Variants in ANKRD30B observed in about 807,000 individuals in gnomAD.
ANKRD30B encodes the protein ankyrin repeat domain 30B.
In ANKRD30B, 144 loss-of-function variants were observed where a neutral mutation model predicts 202.2. That is an observed-to-expected ratio of 0.71 (90% CI 0.62 to 0.82). The LOEUF (loss-of-function observed/expected upper bound fraction) is 0.82. Among genes scored for constraint, ANKRD30B ranks in the 40% least tolerant of loss-of-function variants. The pLI, the probability that ANKRD30B is intolerant of heterozygous loss-of-function variation, is 0.00. For synonymous variants in ANKRD30B, 508 were observed against 561.3 expected (o/e 0.91, Z 1.34); for missense variants, 1,487 against 1,669.1 (o/e 0.89, Z 1.90).
chr18:14,864,435 A>C, the ANKRD30B span, among the ~76,000 whole-genome samples: 1 of 152,190 alleles, frequency 6.6e-6, no homozygotes, highest in Non-Finnish European at 1.5e-5. Context: ...AAAAATCAGT[A>C]ACAGGAGGAA....
the ANKRD30B span, among the ~76,000 whole-genome samples, chr18:14,869,339 G>T: frequency 6.6e-6 from 1 of 151,382 alleles, no homozygotes; most frequent in African/African-American, 2.4e-5. Context: ...GAGATAATAA[G>T]GGAGGGTTCC....
At chr18:14,868,152 G>A in the ANKRD30B span, among the ~76,000 whole-genome samples, 3 of 152,298 alleles carry the variant, frequency 2.0e-5, no homozygotes, top group Non-Finnish European at 4.4e-5. Context: ...GGTTCCTTTG[G>A]CGTCAGTGCT....
the ANKRD30B span, among the ~76,000 whole-genome samples, chr18:14,934,908 CCACACACACACA>C: frequency 8.2e-4 from 111 of 134,684 alleles, no homozygotes; most frequent in African/African-American, 2.8e-3. Flanking sequence ...CCTCCCTCTA[CCACACACACACA>C]CACACACACA....
At chr18:14,750,937 TC>T (rs1913338520) in intron 1 of ANKRD30B, among the ~76,000 whole-genome samples, 1 of 152,086 alleles carries the variant, frequency 6.6e-6, no homozygotes, top group Non-Finnish European at 1.5e-5. Context: ...ATCTTTGATT[TC>T]TGCATTGAGC....
the ANKRD30B span, among the ~76,000 whole-genome samples, chr18:14,893,696 A>G: frequency 6.6e-6 from 1 of 152,106 alleles, no homozygotes; most frequent in Non-Finnish European, 1.5e-5. Flanking sequence ...TAATAGAAAA[A>G]TATGTAATAT....
chr18:14,878,790 A>G, the ANKRD30B span, among the ~76,000 whole-genome samples: 1 of 152,208 alleles, frequency 6.6e-6, no homozygotes, highest in Non-Finnish European at 1.5e-5. Flanking sequence ...TTTAAGATTC[A>G]GTGTTAGGCG....
intron 34 of ANKRD30B, among the ~76,000 whole-genome samples, chr18:14,835,153 C>A (rs1971118042): frequency 6.6e-6 from 1 of 151,674 alleles, no homozygotes; most frequent in South Asian, 2.1e-4. Flanking sequence ...GAACATGGTT[C>A]TTAATCTGTC....
the ANKRD30B span, among the ~76,000 whole-genome samples, chr18:14,916,552 G>T: frequency 1.3e-5 from 2 of 152,152 alleles, no homozygotes; most frequent in Non-Finnish European, 1.5e-5. Context: ...TCCCCACTAG[G>T]AGCTGTACCA....
At chr18:14,872,632 GACAA>G in the ANKRD30B span, among the ~76,000 whole-genome samples, 12 of 151,982 alleles carry the variant, frequency 7.9e-5, no homozygotes, top group African/African-American at 2.7e-4. Flanking sequence ...TTAAGTAAAG[GACAA>G]ACAGAGAAGT....
chr18:14,800,777 A>C (rs1338926980), intron 22 of ANKRD30B, among the ~76,000 whole-genome samples: 1 of 81,018 alleles, frequency 1.2e-5, no homozygotes, highest in Non-Finnish European at 2.4e-5. Flanking sequence ...TCTAATGCAT[A>C]GGTGGTTGTA....
rs1186062665 is a variant in ANKRD30B, at chr18:14,787,080, G to A, written c.1714G>A (p.Glu572Lys). The change falls in exon 15 of 44, where the codon GAA becomes AAA. Residue 572 changes from glutamate to lysine, a missense_variant. Coordinates refer to ENST00000690538, the MANE Select transcript of ANKRD30B (RefSeq NM_001367607.2). Reference protein sequence around the residue: ...PSESKQKDDEENSWDSESPCE... With the variant: ...PSESKQKDDEKNSWDSESPCE... ...AGAATCCAAACAAAAGGACGATGAA[G>A]AAAATTCTTGGGATTCTGAGGTACT... 5.0e-6 allele frequency: 8 copies of A among 1,609,226 alleles called. No homozygotes were observed. The Admixed American group carries it at 1.3e-4, about 27-fold the overall frequency.
chr18:14,932,153 C>G, the ANKRD30B span, among the ~76,000 whole-genome samples: 1 of 151,028 alleles, frequency 6.6e-6, no homozygotes, highest in Non-Finnish European at 1.5e-5. Flanking sequence ...CACCATCCTT[C>G]TCTGTCGGCC....
chr18:14,753,145 A>G, intron 3 of ANKRD30B, 133 bp downstream of exon 3: 1 of 686,784 alleles, frequency 1.5e-6, no homozygotes, highest in Non-Finnish European at 2.2e-6. Context: ...TTAATTATCT[A>G]AGATTTAACC....
At position 14,851,633 on chromosome 18, in the gene ANKRD30B, A is replaced by G; in HGVS notation, c.3689A>G (p.Lys1230Arg). Residue 1230 changes from lysine (K) to arginine (R), a missense_variant, in exon 42 of 44, where the codon AAA becomes AGA. Physicochemically the swap from Lys to Arg is conservative, Grantham distance 26. Transcript: ENST00000690538. ...LKHQHQVKEN[K>R]YFEDIKILQE... is the part of the protein sequence containing the mutation. ...CATCAACACCAGGTGAAGGAAAATA[A>G]ATACTTTGAGGACATTAAGATTTTA... 6.2e-7 allele frequency: 1 copy of G among 1,611,972 alleles called. No homozygotes were observed. The highest frequency in any genetic ancestry group is 1.1e-5 in the South Asian group (1 of 90,832).
At chr18:14,789,725 G>A (rs1380016465) in intron 15 of ANKRD30B, among the ~76,000 whole-genome samples, 2 of 152,154 alleles carry the variant, frequency 1.3e-5, no homozygotes, top group East Asian at 1.9e-4. Context: ...ATTTCTGAGG[G>A]CTGTGTTCTG....
the ANKRD30B span, among the ~76,000 whole-genome samples, chr18:14,879,463 C>G: frequency 6.6e-6 from 1 of 152,122 alleles, no homozygotes; most frequent in African/African-American, 2.4e-5. Flanking sequence ...ATCCGCAATC[C>G]CCTCGCTGCC....
intron 8 of ANKRD30B, among the ~76,000 whole-genome samples, chr18:14,771,520 G>A (rs975463601): frequency 2.6e-5 from 4 of 152,062 alleles, no homozygotes; most frequent in Admixed American, 1.3e-4. Context: ...AAAATATTCC[G>A]AATAACAAAT....
the ANKRD30B span, among the ~76,000 whole-genome samples, chr18:14,911,870 A>T: frequency 2.0e-5 from 3 of 152,044 alleles, no homozygotes; most frequent in Non-Finnish European, 4.4e-5. Flanking sequence ...TAGGTATTTT[A>T]TGTTTAAAGA....
chr18:14,775,754 C>T (rs531514107), intron 9 of ANKRD30B, among the ~76,000 whole-genome samples: 1 of 152,274 alleles, frequency 6.6e-6, no homozygotes, highest in South Asian at 2.1e-4. Flanking sequence ...TAGCAAAGGC[C>T]TCACCAGTTA....
Sources: allele counts gnomAD v4.1 joint callset (sites outside exome capture counted in the v4.1 genomes callset), GRCh38; gene constraint gnomAD v4.1.1; transcripts MANE v1.5; gene names NCBI Gene and HGNC (gene_info 2026-07-23, HGNC 2026-07-21).